Variants in RAB3GAP1 observed in about 807,000 individuals in gnomAD.
The protein encoded by RAB3GAP1 is rab3 GTPase-activating protein catalytic subunit.
RAB3GAP1 carries 86 observed loss-of-function variants against 130.7 expected under a neutral mutation model. The observed-to-expected ratio is 0.66, with a 90% CI of 0.55 to 0.79. RAB3GAP1 has a LOEUF of 0.79. RAB3GAP1 is among the 30% of genes least tolerant of loss of function. The pLI is 0.00. For missense variants in RAB3GAP1, 1,029 were observed against 1,169.4 expected (o/e 0.88, Z 1.75); for synonymous variants, 367 against 401.7 (o/e 0.91, Z 1.03).
intron 3 of RAB3GAP1, among the ~76,000 whole-genome samples, chr2:135,070,405 G>A (rs1423288438): frequency 1.3e-5 from 2 of 152,176 alleles, no homozygotes; most frequent in East Asian, 3.8e-4. Flanking sequence ...TGGATAGAAG[G>A]ACTTTACCAT....
rs1558805781 is a variant in RAB3GAP1 at position 135,162,847 on chromosome 2, T to A, written c.2486T>A (p.Leu829Ter). 2 of 1,609,572 alleles carry A rather than the reference T, an allele frequency of 1.2e-6. No individual in the cohort carries two copies. The highest frequency in any genetic ancestry group is 1.7e-6 in the Non-Finnish European group (2 of 1,175,960). The change falls in exon 21 of 24, where the codon TTG becomes TAG. Residue 829 changes from leucine (L) to a stop codon, truncating the protein, a stop_gained. Transcript: ENST00000264158. LOFTEE classifies it high-confidence loss of function. ...LHFPNPEDKKLEEIIHQITNV... is the reference protein window; with the variant it reads ...LHFPNPEDKK ...TTCCCCAATCCAGAAGACAAGAAATTGGAAGTAAGTTTGATGTAGTGTCAG... is the reference window on the plus strand; with the variant it reads ...TTCCCCAATCCAGAAGACAAGAAATAGGAAGTAAGTTTGATGTAGTGTCAG...
intron 18 of RAB3GAP1, among the ~76,000 whole-genome samples, chr2:135,153,406 G>A (rs530356574): frequency 8.0e-4 from 121 of 152,074 alleles, no homozygotes; most frequent in South Asian, 8.3e-4. Context: ...TTTACATCGA[G>A]TTTTTATATC....
intron 2 of RAB3GAP1, among the ~76,000 whole-genome samples, chr2:135,053,082 C>T (rs1489935233): frequency 6.6e-6 from 1 of 152,206 alleles, no homozygotes. Flanking sequence ...GCCTCGAACT[C>T]CTAGGCTCAA....
At position 135,163,075 on chromosome 2, in the gene RAB3GAP1, G is replaced by T; in HGVS notation, c.2580G>T (p.Gln860His). The change falls in exon 22 of 24, where the codon CAG becomes CAT. Residue 860 changes from glutamine to histidine, a missense_variant. By Grantham distance (24) the Gln-to-His change is conservative (BLOSUM62 0). This residue lies in a region of RAB3GAP1 where 373 missense variants were observed against 493.6 expected (regional missense o/e 0.76). Coordinates refer to ENST00000264158, the MANE Select transcript of RAB3GAP1 (RefSeq NM_012233.3). ...KAKFGTEKCE[Q>H]EEEKEDLERF... is the part of the protein sequence containing the mutation. The stretch of plus-strand genomic sequence containing the variant: ...AGTTTGGAACTGAGAAATGTGAACA[G>T]GAGGAGGAAAAGGAAGATCTTGAAA... The T allele has an allele frequency of 6.2e-7, 1 of 1,613,518 alleles. No individual in the cohort carries two copies. Among genetic ancestry groups the T allele is most frequent in the Non-Finnish European group, 8.5e-7 (1 of 1,179,446 alleles).
Position 135,052,411 on chromosome 2 carries a change from C to G in RAB3GAP1, c.19-19C>G. On this transcript the variant is annotated intron_variant, in intron 1 of 23. Coordinates refer to ENST00000264158, the MANE Select transcript of RAB3GAP1 (RefSeq NM_012233.3). The stretch of plus-strand genomic sequence containing the variant: ...GCCTTGGGGCTTAATTTCTTTTTCT[C>G]TCCTTCCCCTTCCCGCAGCCCGAAT... The G allele has an allele frequency of 6.2e-7, 1 of 1,614,156 alleles. No homozygotes were observed. The highest frequency in any genetic ancestry group is 8.5e-7 in the Non-Finnish European group (1 of 1,180,048).
intron 5 of RAB3GAP1, among the ~76,000 whole-genome samples, chr2:135,101,919 G>A (rs928345162): frequency 2.6e-5 from 4 of 151,824 alleles, no homozygotes; most frequent in Admixed American, 2.0e-4. Context: ...GACTTTAACC[G>A]TAGCAAACAT....
chr2:135,129,984 T>G lies in RAB3GAP1; in HGVS notation c.974-11T>G. ...AGTTAAGTGTCAAAAATAACTTTTT[T>G]TCCTACATAGGTGATTTTGTCACTG... is the stretch of plus-strand genomic sequence containing the variant. On this transcript the variant is annotated splice_polypyrimidine_tract_variant and intron_variant, in intron 11 of 23. Coordinates refer to ENST00000264158, the MANE Select transcript of RAB3GAP1 (RefSeq NM_012233.3). 10 of 1,588,330 alleles carry G rather than the reference T, an allele frequency of 6.3e-6. No homozygotes were observed. Among genetic ancestry groups the G allele is most frequent in the Non-Finnish European group, 8.6e-6 (10 of 1,158,954 alleles).
chr2:135,116,627 A>T (rs1690978602), intron 7 of RAB3GAP1, among the ~76,000 whole-genome samples: 1 of 152,192 alleles, frequency 6.6e-6, no homozygotes, highest in Non-Finnish European at 1.5e-5. Context: ...TGTTTAATTT[A>T]TTGAGTGTGA....
chr2:135,096,996 C>G (rs1261979873), intron 5 of RAB3GAP1, among the ~76,000 whole-genome samples: 1 of 151,902 alleles, frequency 6.6e-6, no homozygotes, highest in South Asian at 2.1e-4. Flanking sequence ...TTTTTGTAAC[C>G]TTTCCATTTA....
intron 13 of RAB3GAP1, among the ~76,000 whole-genome samples, chr2:135,131,859 A>C (rs1035043406): frequency 1.1e-4 from 17 of 152,374 alleles, no homozygotes; most frequent in African/African-American, 3.4e-4. Flanking sequence ...TTGTGGTTAA[A>C]ATCATACTCC....
intron 3 of RAB3GAP1, among the ~76,000 whole-genome samples, chr2:135,059,635 G>A (rs1449596810): frequency 6.6e-6 from 1 of 152,096 alleles, no homozygotes; most frequent in African/African-American, 2.4e-5. Flanking sequence ...GAACATGCAA[G>A]TTACTCTCTT....
At chr2:135,167,817 C>A in intron 23 of RAB3GAP1, 1 of 954,658 alleles carries the variant, frequency 1.0e-6, no homozygotes, top group Non-Finnish European at 1.5e-6. Flanking sequence ...CTGGATTTGG[C>A]TTACCTACCT....
At chr2:135,127,382 C>T (rs1317395522) in intron 11 of RAB3GAP1, among the ~76,000 whole-genome samples, 2 of 151,614 alleles carry the variant, frequency 1.3e-5, no homozygotes, top group Non-Finnish European at 2.9e-5. Flanking sequence ...CTCACCCTGT[C>T]GCCCAGGCTG....
At chr2:135,112,290 A>G (rs970288556) in intron 5 of RAB3GAP1, among the ~76,000 whole-genome samples, 2 of 152,262 alleles carry the variant, frequency 1.3e-5, no homozygotes, top group African/African-American at 4.8e-5. Context: ...ACACCGTCCC[A>G]GGTCACCCCA....
intron 5 of RAB3GAP1, among the ~76,000 whole-genome samples, chr2:135,106,755 C>A: frequency 2.5e-5 from 2 of 80,312 alleles, no homozygotes; most frequent in South Asian, 4.7e-4. Context: ...TCAATAAATA[C>A]TAAAAAAAAA....
chr2:135,090,980 T>C lies in RAB3GAP1; in HGVS notation c.151-18T>C, dbSNP rs779137027. The C allele has an allele frequency of 6.8e-6, 11 of 1,606,810 alleles. No individual in the cohort carries two copies. The highest frequency in any genetic ancestry group is 9.4e-6 in the Non-Finnish European group (11 of 1,174,022). Reference sequence around the variant, plus strand: ...ATTGATTAAGGTAAATATTTTGCCATTTTATTGGTACATATAGGGTATATT... The same window carrying C: ...ATTGATTAAGGTAAATATTTTGCCACTTTATTGGTACATATAGGGTATATT... On this transcript the variant is annotated intron_variant, in intron 3 of 23. Transcript: ENST00000264158.
chr2:135,080,219 T>C (rs1689754878), intron 3 of RAB3GAP1, among the ~76,000 whole-genome samples: 1 of 152,082 alleles, frequency 6.6e-6, no homozygotes, highest in Non-Finnish European at 1.5e-5. Flanking sequence ...GCTTAGTAGG[T>C]ACTTAGCAGA....
intron 3 of RAB3GAP1, chr2:135,058,636 T>C (rs1332813208): frequency 6.6e-6 from 1 of 152,306 alleles, no homozygotes; most frequent in Non-Finnish European, 1.5e-5. Flanking sequence ...ATGAAAAAAT[T>C]ACTCTTTGAA....
chr2:135,119,505 C>G (rs1438936472), intron 7 of RAB3GAP1, among the ~76,000 whole-genome samples: 2 of 152,164 alleles, frequency 1.3e-5, no homozygotes, highest in Non-Finnish European at 2.9e-5. Context: ...GCTTCTAGAA[C>G]ATTTGCTCCT....
Sources: gnomAD v4.1 joint callset for allele counts (sites outside exome capture counted in the v4.1 genomes callset) on GRCh38, gnomAD v4.1.1 for gene constraint, gnomAD v4.1.1 regional missense constraint, MANE v1.5 for transcripts, NCBI Gene and HGNC (gene_info 2026-07-23, HGNC 2026-07-21) for gene names.